The following PLPPR1 variants were observed in gnomAD, a reference collection of about 807,000 sequenced individuals.
PLPPR1 encodes the protein phospholipid phosphatase-related protein type 1.
A neutral mutation model predicts 33.1 loss-of-function variants in PLPPR1; 10 were observed. The observed-to-expected ratio is 0.30, with a 90% CI of 0.19 to 0.51. The LOEUF (loss-of-function observed/expected upper bound fraction) is 0.51. PLPPR1 is among the 20% of genes least tolerant of loss of function. The probability of loss-of-function intolerance (pLI) is 0.97; values close to 1 mark genes in which losing one functional copy is unlikely to be tolerated. For synonymous variants in PLPPR1, 151 were observed against 151.0 expected, an observed-to-expected ratio of 1.00 and a Z score of 0.00; for missense variants, 304 against 408.1, an observed-to-expected ratio of 0.74 and a Z score of 2.20.
At chr9:101,205,407 G>T (rs1169664239) in intron 2 of PLPPR1, among the ~76,000 whole-genome samples, 1 of 152,118 alleles carries the variant, frequency 6.6e-6, no homozygotes, top group Non-Finnish European at 1.5e-5. Context: ...TCACCTAGAA[G>T]GGGCCTTGTC....
At chr9:101,146,471 T>C (rs557765040) in intron 1 of PLPPR1, among the ~76,000 whole-genome samples, 1 of 152,346 alleles carries the variant, frequency 6.6e-6, no homozygotes, top group South Asian at 2.1e-4. Flanking sequence ...AGAGACTTTC[T>C]GTTAACTATG....
At chr9:101,211,355 G>T (rs1466184971) in intron 2 of PLPPR1, among the ~76,000 whole-genome samples, 2 of 152,238 alleles carry the variant, frequency 1.3e-5, no homozygotes, top group East Asian at 3.9e-4. Context: ...AGACTACTCT[G>T]AATTCACATC....
intron 1 of PLPPR1, among the ~76,000 whole-genome samples, chr9:101,034,866 G>C (rs1375125511): frequency 6.6e-6 from 1 of 152,122 alleles, no homozygotes; most frequent in Non-Finnish European, 1.5e-5. Context: ...GTCTTCCTAA[G>C]TGCAGAAATT....
chr9:101,248,880 G>A (rs962029235), intron 2 of PLPPR1, among the ~76,000 whole-genome samples: 5 of 152,054 alleles, frequency 3.3e-5, no homozygotes, highest in African/African-American at 1.2e-4. Context: ...AAAAGGTGAA[G>A]AAAGACTTTC....
At chr9:101,029,971 T>C (rs1170978014) in intron 1 of PLPPR1, among the ~76,000 whole-genome samples, 1 of 152,104 alleles carries the variant, frequency 6.6e-6, no homozygotes, top group Non-Finnish European at 1.5e-5. Context: ...TCTGGATTAT[T>C]ATTTTTCTTT....
At chr9:101,174,591 C>T (rs1385021128) in intron 1 of PLPPR1, among the ~76,000 whole-genome samples, 1 of 152,102 alleles carries the variant, frequency 6.6e-6, no homozygotes, top group Non-Finnish European at 1.5e-5. Context: ...GAGGTTTGTT[C>T]CCCTCCTGCT....
At chr9:101,207,476 T>C (rs1284613225) in intron 2 of PLPPR1, among the ~76,000 whole-genome samples, 1 of 152,162 alleles carries the variant, frequency 6.6e-6, no homozygotes, top group Non-Finnish European at 1.5e-5. Flanking sequence ...TGGGTATTCT[T>C]TTTTCTTAGA....
chr9:101,249,657 T>C (rs1827680752), intron 2 of PLPPR1, among the ~76,000 whole-genome samples: 1 of 152,114 alleles, frequency 6.6e-6, no homozygotes, highest in Non-Finnish European at 1.5e-5. Flanking sequence ...CCTCCACATT[T>C]TGAACAATGA....
intron 2 of PLPPR1, among the ~76,000 whole-genome samples, chr9:101,245,247 A>G (rs947114488): frequency 6.6e-6 from 1 of 152,026 alleles, no homozygotes; most frequent in African/African-American, 2.4e-5. Flanking sequence ...CTTATAGCAA[A>G]AAAAAGAGCT....
chr9:101,195,223 G>T (rs952832847), intron 2 of PLPPR1, among the ~76,000 whole-genome samples: 1 of 152,028 alleles, frequency 6.6e-6, no homozygotes, highest in Non-Finnish European at 1.5e-5. Flanking sequence ...CTCACATTTC[G>T]TTAGCCAAAG....
intron 1 of PLPPR1, among the ~76,000 whole-genome samples, chr9:101,046,961 A>G (rs1005952498): frequency 6.6e-6 from 1 of 151,996 alleles, no homozygotes; most frequent in Non-Finnish European, 1.5e-5. Flanking sequence ...CATTGATCTC[A>G]CTAGATTGGG....
chr9:101,300,227 G>A (rs567480582), intron 4 of PLPPR1, among the ~76,000 whole-genome samples: 10 of 152,148 alleles, frequency 6.6e-5, no homozygotes, highest in African/African-American at 2.2e-4. Context: ...AGGCTGGAGT[G>A]CAGTAACATG....
intron 4 of PLPPR1, among the ~76,000 whole-genome samples, chr9:101,291,242 G>A (rs924938112): frequency 3.9e-5 from 6 of 152,128 alleles, no homozygotes; most frequent in African/African-American, 7.2e-5. Flanking sequence ...GGGGAGGGGC[G>A]CCCGCCATTG....
intron 1 of PLPPR1, among the ~76,000 whole-genome samples, chr9:101,061,967 A>T (rs911544978): frequency 2.0e-5 from 3 of 151,978 alleles, no homozygotes; most frequent in African/African-American, 4.8e-5. Flanking sequence ...TTATCATGCT[A>T]TTTGGAGTTG....
intron 1 of PLPPR1, among the ~76,000 whole-genome samples, chr9:101,144,970 T>C (rs1477352224): frequency 1.3e-5 from 2 of 152,168 alleles, no homozygotes; most frequent in African/African-American, 2.4e-5. Context: ...TTAATACTTA[T>C]TCCCCTTTCT....
intron 1 of PLPPR1, among the ~76,000 whole-genome samples, chr9:101,140,987 C>T (rs12352041): frequency 1.4e-4 from 22 of 152,140 alleles, no homozygotes; most frequent in African/African-American, 4.8e-4. Context: ...ATGATGATGA[C>T]GCCTAGCAGG....
At chr9:101,130,100 A>G (rs1372446803) in intron 1 of PLPPR1, among the ~76,000 whole-genome samples, 1 of 152,192 alleles carries the variant, frequency 6.6e-6, no homozygotes, top group African/African-American at 2.4e-5. Context: ...ATGGTGATGG[A>G]TTCATGGGTA....
At chr9:101,227,880 G>A (rs1328399064) in intron 2 of PLPPR1, among the ~76,000 whole-genome samples, 2 of 152,080 alleles carry the variant, frequency 1.3e-5, no homozygotes, top group East Asian at 1.9e-4. Context: ...GGGTTCAAGC[G>A]ATTCTCCTGT....
intron 2 of PLPPR1, among the ~76,000 whole-genome samples, chr9:101,260,750 G>A (rs1194081439): frequency 6.6e-6 from 1 of 152,042 alleles, no homozygotes; most frequent in Admixed American, 6.6e-5. Context: ...AGAGTCAATG[G>A]AATCAATATA....
Sources: gnomAD v4.1 joint callset for allele counts (sites outside exome capture counted in the v4.1 genomes callset) on GRCh38, gnomAD v4.1.1 for gene constraint, MANE v1.5 for transcripts, NCBI Gene and HGNC (gene_info 2026-07-23, HGNC 2026-07-21) for gene names.